Variants in UBR3 observed in about 807,000 individuals in gnomAD.
UBR3 encodes the protein E3 ubiquitin-protein ligase UBR3.
In UBR3, 85 loss-of-function variants were observed where a neutral mutation model predicts 243.2. The observed-to-expected ratio is 0.35, with a 90% CI of 0.29 to 0.42. UBR3 has a LOEUF of 0.42. UBR3 is among the 10% of genes least tolerant of loss of function. The probability of loss-of-function intolerance (pLI) is 1.00; values close to 1 mark genes in which losing one functional copy is unlikely to be tolerated. For synonymous variants in UBR3, 748 were observed against 799.8 expected (o/e 0.94, Z 1.09); for missense variants, 1,686 against 2,300.8 (o/e 0.73, Z 5.47).
At chr2:169,878,646 A>G in intron 5 of UBR3, 72 bp downstream of exon 5, 2 of 1,297,104 alleles carry the variant, frequency 1.5e-6, no homozygotes, top group Non-Finnish European at 2.1e-6. Context: ...ATTATTTTAT[A>G]CTTCTTTATA....
chr2:170,023,251 GTA>G (rs1448297488), intron 30 of UBR3, among the ~76,000 whole-genome samples: 1 of 151,950 alleles, frequency 6.6e-6, no homozygotes. Context: ...GGGACTACAG[GTA>G]TGTGTCACCT....
intron 19 of UBR3, among the ~76,000 whole-genome samples, chr2:169,941,709 T>G (rs1051511355): frequency 1.1e-4 from 16 of 152,220 alleles, no homozygotes; most frequent in African/African-American, 3.9e-4. Context: ...AAACATAGTA[T>G]GTAGAGAGTT....
At chr2:169,970,552 C>T (rs1331874387) in intron 24 of UBR3, among the ~76,000 whole-genome samples, 4 of 119,432 alleles carry the variant, frequency 3.3e-5, no homozygotes, top group African/African-American at 9.0e-5. Context: ...TCAATTCCCA[C>T]CTATGAGTGA....
At chr2:169,889,296 GGCCAGGAAAT>G (rs2084234133) in intron 5 of UBR3, among the ~76,000 whole-genome samples, 1 of 152,044 alleles carries the variant, frequency 6.6e-6, no homozygotes, top group South Asian at 2.1e-4. Flanking sequence ...AAGTGTATAA[GGCCAGGAAAT>G]TTATAAAACT....
chr2:169,952,562 G>T (rs2087084091), intron 23 of UBR3, among the ~76,000 whole-genome samples: 1 of 152,122 alleles, frequency 6.6e-6, no homozygotes, highest in Admixed American at 6.5e-5. Flanking sequence ...GGGCGTGGTG[G>T]CGTGTGCCTG....
At chr2:169,962,254 T>C (rs1441180360) in intron 24 of UBR3, among the ~76,000 whole-genome samples, 1 of 152,140 alleles carries the variant, frequency 6.6e-6, no homozygotes. Context: ...AAAATTTTTT[T>C]TTTTAATTAA....
At chr2:169,850,471 A>G (rs151070094) in intron 1 of UBR3, among the ~76,000 whole-genome samples, 1,483 of 146,306 alleles carry the variant, frequency 0.01, 19 homozygotes, top group African/African-American at 0.035. Flanking sequence ...GGGCCACCGC[A>G]CCCGGCCTGC....
chr2:169,939,178 T>G lies in UBR3; in HGVS notation c.2664-3315T>G, dbSNP rs577349311. Among the ~76,000 whole-genome samples, 4 of 152,190 alleles carry G rather than the reference T, an allele frequency of 2.6e-5. No homozygotes were observed. The South Asian group carries it at 8.3e-4, about 32-fold the overall frequency. On this transcript the variant is annotated intron_variant, in intron 19 of 38. Transcript: ENST00000272793. ...TGATTATCAGTTTTACTATGTTTTC[T>G]AAGAACCAAGTTTTGATTGTCTCTC...
chr2:170,015,227 A>C, intron 29 of UBR3, 54 bp from the exon 30 acceptor site: 1 of 1,418,412 alleles, frequency 7.1e-7, no homozygotes, highest in Non-Finnish European at 9.8e-7. Flanking sequence ...TCAATAAAGC[A>C]GATTAATAAA....
intron 17 of UBR3, 87 bp downstream of exon 17, chr2:169,927,492 A>G: frequency 9.1e-7 from 1 of 1,093,944 alleles, no homozygotes; most frequent in Non-Finnish European, 1.3e-6. Context: ...TTTTTTGATT[A>G]ATTTTTTTTC....
chr2:169,949,436 A>G, intron 22 of UBR3, 169 bp from the exon 23 acceptor site: 1 of 592,166 alleles, frequency 1.7e-6, no homozygotes, highest in East Asian at 3.0e-5. Flanking sequence ...GGGATTAAAT[A>G]TATTTGAGAG....
chr2:169,850,148 G>GT (rs2082608007), intron 1 of UBR3, among the ~76,000 whole-genome samples: 2 of 148,638 alleles, frequency 1.3e-5, no homozygotes, highest in Admixed American at 1.3e-4. Context: ...CAGTCTCCTG[G>GT]TGGGTGAGAG....
intron 8 of UBR3, among the ~76,000 whole-genome samples, chr2:169,903,325 T>C (rs989901528): frequency 1.3e-5 from 2 of 152,232 alleles, no homozygotes; most frequent in African/African-American, 4.8e-5. Context: ...GTTTCAATTA[T>C]ATAGAACAGT....
At chr2:169,980,778 C>T (rs1400353050) in intron 24 of UBR3, among the ~76,000 whole-genome samples, 1 of 131,264 alleles carries the variant, frequency 7.6e-6, no homozygotes, top group Non-Finnish European at 1.6e-5. Flanking sequence ...TCCCCCCTCC[C>T]CCCGATCTTG....
At chr2:169,837,908 C>G (rs538415125) in intron 1 of UBR3, among the ~76,000 whole-genome samples, 36 of 152,296 alleles carry the variant, frequency 2.4e-4, no homozygotes, top group Admixed American at 1.2e-3. Context: ...TCACCTCTAT[C>G]ACAGACCAAA....
chr2:169,847,747 C>G (rs562295586), intron 1 of UBR3, among the ~76,000 whole-genome samples: 40 of 152,170 alleles, frequency 2.6e-4, no homozygotes, highest in Non-Finnish European at 5.4e-4. Context: ...TGTTGAATTA[C>G]AAGTTTTCCA....
chr2:169,965,702 A>T (rs2087774909), intron 24 of UBR3, among the ~76,000 whole-genome samples: 1 of 152,194 alleles, frequency 6.6e-6, no homozygotes, highest in Non-Finnish European at 1.5e-5. Flanking sequence ...ACAGGACCAA[A>T]TGGGACAGTA....
chr2:169,909,872 T>C (rs2085183109), intron 10 of UBR3, among the ~76,000 whole-genome samples: 1 of 152,172 alleles, frequency 6.6e-6, no homozygotes, highest in Non-Finnish European at 1.5e-5. Flanking sequence ...ATATTTGATA[T>C]GTATATATTC....
intron 35 of UBR3, among the ~76,000 whole-genome samples, chr2:170,071,280 A>G (rs918137802): frequency 1.8e-4 from 27 of 152,228 alleles, no homozygotes; most frequent in Non-Finnish European, 3.8e-4. Context: ...GAATGTTCAT[A>G]ATAGCCAAAT....
Sources: gnomAD v4.1 joint callset for allele counts (sites outside exome capture counted in the v4.1 genomes callset) on GRCh38, gnomAD v4.1.1 for gene constraint, MANE v1.5 for transcripts, NCBI Gene and HGNC (gene_info 2026-07-23, HGNC 2026-07-21) for gene names.